PLEKHG7: variants seen among roughly 807,000 people sequenced by gnomAD.
The protein encoded by PLEKHG7 is pleckstrin homology and RhoGEF domain containing G7.
PLEKHG7 carries 77 observed loss-of-function variants against 85.2 expected under a neutral mutation model. The ratio of observed to expected loss-of-function variants is 0.90; its 90% CI spans 0.75 to 1.09. The LOEUF is 1.09. Among genes scored for constraint, PLEKHG7 ranks in the 50% least tolerant of loss-of-function variants. PLEKHG7 has a pLI of 0.00. For missense variants in PLEKHG7, 777 were observed against 804.3 expected (o/e 0.97, Z 0.41); for synonymous variants, 301 against 302.4 (o/e 1.00, Z 0.05).
chr12:92,737,488 C>T lies in PLEKHG7; in HGVS notation c.906C>T (p.Thr302=). 1 of 1,603,174 alleles carries T rather than the reference C, an allele frequency of 6.2e-7. No homozygotes were observed. Residue 302 remains threonine (T), a synonymous_variant, in exon 7 of 17, where the codon ACC becomes ACT. Transcript: ENST00000344636. ...GGGAACTTTTCACAAGTGAATGCAC[C>T]TATTTTTTGGACCATTTATTAGTTC... ...AVWELFTSEC[T]YFLDHLLVLK... is the part of the protein sequence containing the mutation.
At chr12:92,725,179 A>G (rs1014401614) in intron 3 of PLEKHG7, among the ~76,000 whole-genome samples, 2 of 152,160 alleles carry the variant, frequency 1.3e-5, no homozygotes, top group African/African-American at 4.8e-5. Context: ...GAAGGCACCT[A>G]GGGGATAAAA....
chr12:92,756,709 C>A (rs1422337730), intron 13 of PLEKHG7, among the ~76,000 whole-genome samples: 1 of 152,220 alleles, frequency 6.6e-6, no homozygotes, highest in African/African-American at 2.4e-5. Context: ...CTGTTATCAT[C>A]ATAATCGTTG....
chr12:92,722,637 A>G (rs2136583940), intron 3 of PLEKHG7, among the ~76,000 whole-genome samples: 1 of 152,308 alleles, frequency 6.6e-6, no homozygotes, highest in East Asian at 1.9e-4. Flanking sequence ...ATGATGTCAG[A>G]AGGTATCCCA....
chr12:92,739,210 G>T (rs890770315), intron 7 of PLEKHG7, among the ~76,000 whole-genome samples: 1 of 152,216 alleles, frequency 6.6e-6, no homozygotes, highest in African/African-American at 2.4e-5. Context: ...CATAGCAGAA[G>T]TCTTGAGATT....
At chr12:92,757,433 G>T (rs1872864999) in intron 13 of PLEKHG7, among the ~76,000 whole-genome samples, 1 of 152,192 alleles carries the variant, frequency 6.6e-6, no homozygotes, top group Non-Finnish European at 1.5e-5. Flanking sequence ...GTGATATCTG[G>T]TGGGGAGGGG....
Position 92,727,962 on chromosome 12 carries a change from G to GTGTATA in PLEKHG7, c.531-1030_531-1029insGTATAT, listed in dbSNP as rs760170614. Among the ~76,000 whole-genome samples the GTGTATA allele has an allele frequency of 3.0e-3, 289 of 96,578 alleles. 32 individuals carry two copies. Among genetic ancestry groups the GTGTATA allele is most frequent in the East Asian group, 0.023 (63 of 2,772 alleles). 63.4% of individuals were successfully genotyped at this position (96,578 alleles called of 152,430 possible). ...TGTGTGTGTGTGTGTGTGTGTGTGTGTATATATATATATACACATATATAC... is the reference window on the plus strand; with the variant it reads ...TGTGTGTGTGTGTGTGTGTGTGTGTGTGTATATATATATATATATACACATATATAC... On this transcript the variant is annotated intron_variant, in intron 3 of 16. Transcript: ENST00000344636.
chr12:92,719,028 T>G (rs776417759), intron 3 of PLEKHG7, among the ~76,000 whole-genome samples: 19 of 152,198 alleles, frequency 1.2e-4, no homozygotes, highest in Admixed American at 4.6e-4. Flanking sequence ...TTCCAGGCGG[T>G]AAACTAGAAG....
intron 15 of PLEKHG7, among the ~76,000 whole-genome samples, chr12:92,767,060 T>C (rs1326111779): frequency 6.6e-6 from 1 of 152,202 alleles, no homozygotes; most frequent in Non-Finnish European, 1.5e-5. Flanking sequence ...GCTATATCAT[T>C]TATAAGCTCT....
At chr12:92,737,907 C>G (rs1372313457) in intron 7 of PLEKHG7, among the ~76,000 whole-genome samples, 1 of 152,124 alleles carries the variant, frequency 6.6e-6, no homozygotes, top group African/African-American at 2.4e-5. Context: ...TGGATGAGAT[C>G]GTCTAAGTGA....
In PLEKHG7 at chr12:92,737,449, G is replaced by T; in HGVS notation, c.867G>T (p.Gln289His). ...LPTDQLDLKK[Q>H]QEAVWELFTS... ...CCGATCAATTAGACCTGAAAAAGCA[G>T]CAAGAGGCCGTGTGGGAACTTTTCA... Residue 289 changes from glutamine to histidine, a missense_variant, in exon 7 of 17, where the codon CAG becomes CAT. Gln to His is a conservative substitution (Grantham distance 24). This residue lies in a region of PLEKHG7 where 520 missense variants were observed against 544.0 expected (regional missense o/e 0.96). Coordinates refer to ENST00000344636, the MANE Select transcript of PLEKHG7 (RefSeq NM_001377329.1). 6.3e-7 allele frequency: 1 copy of T among 1,586,064 alleles called. No homozygotes were observed. The highest frequency in any genetic ancestry group is 8.5e-7 in the Non-Finnish European group (1 of 1,172,542).
At chr12:92,764,317 T>C (rs1257434570) in intron 15 of PLEKHG7, 123 bp downstream of exon 15, 58 of 990,214 alleles carry the variant, frequency 5.9e-5, no homozygotes, top group Non-Finnish European at 8.3e-5. Context: ...TGTGTTCCTA[T>C]GTGTCTACAT....
intron 10 of PLEKHG7, among the ~76,000 whole-genome samples, chr12:92,752,931 T>C (rs1194075318): frequency 6.6e-6 from 1 of 152,002 alleles, no homozygotes; most frequent in Non-Finnish European, 1.5e-5. Context: ...AAAAGAGAGC[T>C]AGAGAGCTCT....
intron 5 of PLEKHG7, among the ~76,000 whole-genome samples, chr12:92,734,391 C>A (rs539475878): frequency 7.9e-5 from 12 of 152,278 alleles, no homozygotes; most frequent in Admixed American, 7.8e-4. Flanking sequence ...TTACCAGGTA[C>A]TGTTACTGTT....
chr12:92,748,462 G>T (rs1489667277), intron 10 of PLEKHG7, among the ~76,000 whole-genome samples: 1 of 151,444 alleles, frequency 6.6e-6, no homozygotes, highest in East Asian at 1.9e-4. Context: ...TGGCCAGGCT[G>T]GTCTTGAACT....
chr12:92,767,522 C>T (rs372996467), intron 15 of PLEKHG7, among the ~76,000 whole-genome samples: 1 of 151,044 alleles, frequency 6.6e-6, no homozygotes, highest in East Asian at 1.9e-4. Flanking sequence ...CCCAGAAAGT[C>T]ATTTTAATAG....
rs761837910 is a variant in PLEKHG7, at chr12:92,707,344, C to T, written c.507+206C>T. On this transcript the variant is annotated intron_variant, in intron 2 of 16. Transcript: ENST00000344636. Reference sequence around the variant, plus strand: ...ATCTGGGGAGGAAAGAAAATGATCTCGCTCACTTTCTTCTGTCCTTAGAGG... The same window carrying T: ...ATCTGGGGAGGAAAGAAAATGATCTTGCTCACTTTCTTCTGTCCTTAGAGG... The T allele has an allele frequency of 6.5e-4, 934 of 1,428,502 alleles. 5 individuals are homozygous for T. The highest frequency in any genetic ancestry group is 7.9e-4 in the Non-Finnish European group (870 of 1,098,430). The allele number at this position is 1,428,502 out of a possible 1,614,324, so 88.5% of individuals were successfully genotyped here. A position where few individuals can be genotyped will look rare whatever the true frequency, so the allele number is the denominator to read the frequency against.
intron 7 of PLEKHG7, among the ~76,000 whole-genome samples, chr12:92,740,459 G>C (rs1057159461): frequency 6.6e-6 from 1 of 152,174 alleles, no homozygotes; most frequent in South Asian, 2.1e-4. Context: ...AAGTATATTT[G>C]GGTCTTTTGC....
intron 3 of PLEKHG7, among the ~76,000 whole-genome samples, chr12:92,723,691 C>A (rs1871709506): frequency 6.6e-6 from 1 of 152,102 alleles, no homozygotes; most frequent in Non-Finnish European, 1.5e-5. Flanking sequence ...AGTTGTTCAA[C>A]CAAGGGTCAC....
rs1872512287 is a variant in PLEKHG7, at chr12:92,745,552, G to A, written c.1212G>A (p.Glu404=). 11 of 1,613,934 alleles carry A rather than the reference G, an allele frequency of 6.8e-6. No homozygotes were observed. The highest frequency in any genetic ancestry group is 1.1e-5 in the South Asian group (1 of 91,068). Residue 404 remains glutamate, a synonymous_variant, in exon 10 of 17, where the codon GAG becomes GAA. Transcript: ENST00000344636. The part of the protein sequence containing the change: ...LNYSAAIFYL[E]SLRQRDDFGI... ...ATTCAGCTGCTATCTTTTATCTTGA[G>A]AGCCTGAGGCAGAGAGATGACTTTG...
Sources: allele counts gnomAD v4.1 joint callset (sites outside exome capture counted in the v4.1 genomes callset), GRCh38; gene constraint gnomAD v4.1.1; regional missense constraint gnomAD v4.1.1; transcripts MANE v1.5; gene names NCBI Gene and HGNC (gene_info 2026-07-23, HGNC 2026-07-21).